KIFAP3: variants seen among roughly 807,000 people sequenced by gnomAD.
KIFAP3 encodes kinesin-associated protein 3.
KIFAP3 carries 68 observed loss-of-function variants against 106.5 expected under a neutral mutation model. That is an observed-to-expected ratio of 0.64 (90% CI 0.53 to 0.78). The LOEUF is 0.78. Among genes scored for constraint, KIFAP3 ranks in the 30% least tolerant of loss-of-function variants. The pLI is 0.00. For missense variants in KIFAP3, 780 were observed against 941.8 expected (o/e 0.83, Z 2.25); for synonymous variants, 320 against 311.5 (o/e 1.03, Z -0.29).
chr1:170,039,138 C>A, intron 4 of KIFAP3, 95 bp downstream of exon 4: 1 of 585,668 alleles, frequency 1.7e-6, no homozygotes, highest in African/African-American at 1.9e-5. Flanking sequence ...TTAAAAATAC[C>A]ACATGTGCTT....
At chr1:169,938,362 A>G (rs879385751) in intron 19 of KIFAP3, among the ~76,000 whole-genome samples, 8 of 152,046 alleles carry the variant, frequency 5.3e-5, no homozygotes, top group Admixed American at 2.0e-4. Context: ...GCTCCTATCA[A>G]CAATTTTATA....
At chr1:170,034,070 T>C (rs1417063579) in intron 7 of KIFAP3, among the ~76,000 whole-genome samples, 1 of 151,732 alleles carries the variant, frequency 6.6e-6, no homozygotes, top group African/African-American at 2.4e-5. Flanking sequence ...CAAAGGATCT[T>C]AGTGGATGTA....
chr1:170,023,006 A>G (rs1668928516), intron 9 of KIFAP3, among the ~76,000 whole-genome samples: 1 of 152,150 alleles, frequency 6.6e-6, no homozygotes, highest in Admixed American at 6.5e-5. Flanking sequence ...ATGGAAGAAC[A>G]TACCTTAACT....
chr1:170,062,305 C>T (rs923165152), intron 1 of KIFAP3, among the ~76,000 whole-genome samples: 2 of 149,508 alleles, frequency 1.3e-5, no homozygotes, highest in Non-Finnish European at 3.0e-5. Flanking sequence ...CTTAATGCCA[C>T]TGTTGCTTAA....
At chr1:169,928,721 A>AAAAAAAAAAT (rs1663290857) in intron 19 of KIFAP3, among the ~76,000 whole-genome samples, 1 of 147,932 alleles carries the variant, frequency 6.8e-6, no homozygotes, top group African/African-American at 2.5e-5. Context: ...AAAAAAAAAA[A>AAAAAAAAAAT]TTAAAGTTAT....
chr1:169,926,651 T>G (rs1384399171), intron 19 of KIFAP3, among the ~76,000 whole-genome samples: 1 of 143,206 alleles, frequency 7.0e-6, no homozygotes, highest in Admixed American at 7.2e-5. Flanking sequence ...TAACATTAAG[T>G]TTTTTCTGTA....
chr1:169,922,027 G>C (rs1046772647), intron 19 of KIFAP3, among the ~76,000 whole-genome samples: 1 of 152,112 alleles, frequency 6.6e-6, no homozygotes, highest in Non-Finnish European at 1.5e-5. Context: ...TTGAAACAAA[G>C]TGGAAGAATC....
At position 170,009,986 on chromosome 1, in the gene KIFAP3, C is replaced by A. The variant is rs182824269; in HGVS notation, c.1183+6476G>T. On this transcript the variant is annotated intron_variant, in intron 10 of 19. Transcript: ENST00000361580. ...GTCCAATTCAATTTGCAGATAATCA[C>A]ATTTGCTGAAGCCAATGGCTATGAT... Among the ~76,000 whole-genome samples, 1,275 of 152,160 alleles carry A rather than the reference C, an allele frequency of 8.4e-3. 21 individuals carry two copies. The highest frequency in any genetic ancestry group is 0.028 in the African/African-American group (1,159 of 41,530).
chr1:170,055,502 A>G, intron 1 of KIFAP3, 66 bp from the exon 2 acceptor site: 1 of 1,331,010 alleles, frequency 7.5e-7, no homozygotes, highest in Non-Finnish European at 1.0e-6. Flanking sequence ...GTTTTTATCT[A>G]TTTTTAGGTC....
At chr1:170,032,080 A>C in intron 7 of KIFAP3, 96 bp from the exon 8 acceptor site, 1 of 684,946 alleles carries the variant, frequency 1.5e-6, no homozygotes. Context: ...TTTATGTGCA[A>C]CTTTATCCAG....
Position 169,962,880 on chromosome 1 carries a change from G to C in KIFAP3, c.1984-1645C>G, listed in dbSNP as rs184987597. ...AGCTGCTCCCTTTCAACTGAAGTTG[G>C]GGAAGGTAGAGGATATTTTTTGACT... On this transcript the variant is annotated intron_variant, in intron 17 of 19. Transcript: ENST00000361580. Among the ~76,000 whole-genome samples, 265 of 152,228 alleles carry C rather than the reference G, an allele frequency of 1.7e-3. 1 individual carries two copies. Among genetic ancestry groups the C allele is most frequent in the Non-Finnish European group, 2.4e-3 (166 of 68,016 alleles).
chr1:169,978,022 CAAA>C, intron 16 of KIFAP3, 60 bp downstream of exon 16: 1 of 1,011,802 alleles, frequency 9.9e-7, no homozygotes, highest in South Asian at 1.4e-5. Flanking sequence ...AAAAACAACT[CAAA>C]GATGCATCTT....
At chr1:169,981,629 T>C (rs1666528556) in intron 15 of KIFAP3, among the ~76,000 whole-genome samples, 1 of 152,224 alleles carries the variant, frequency 6.6e-6, no homozygotes, top group Non-Finnish European at 1.5e-5. Flanking sequence ...TGATAGTATC[T>C]GTAGTTTCAG....
chr1:170,051,636 C>T (rs192291415), intron 2 of KIFAP3, among the ~76,000 whole-genome samples: 97 of 152,266 alleles, frequency 6.4e-4, no homozygotes, highest in Admixed American at 1.6e-3. Context: ...GAAATCATAA[C>T]AAACAGTCTC....
At chr1:169,954,196 T>TA in intron 18 of KIFAP3, 86 bp from the exon 19 acceptor site, 1 of 794,226 alleles carries the variant, frequency 1.3e-6, no homozygotes, top group Non-Finnish European at 2.1e-6. Flanking sequence ...AAATAACTTG[T>TA]ATATTTAATC....
At chr1:170,057,357 T>C (rs1482620126) in intron 1 of KIFAP3, among the ~76,000 whole-genome samples, 1 of 152,134 alleles carries the variant, frequency 6.6e-6, no homozygotes, top group Non-Finnish European at 1.5e-5. Flanking sequence ...ACCACTCCTT[T>C]TTAGTTTTTG....
At chr1:169,958,248 A>C (rs1267541182) in intron 18 of KIFAP3, 1 of 152,380 alleles carries the variant, frequency 6.6e-6, no homozygotes, top group Non-Finnish European at 1.5e-5. Flanking sequence ...ATGCCTGGGT[A>C]ATTTCTTTTT....
In KIFAP3 at chr1:169,996,877, C is replaced by T. The variant is rs572922138; in HGVS notation, c.1184-4622G>A. On this transcript the variant is annotated intron_variant, in intron 10 of 19. Coordinates refer to ENST00000361580, the MANE Select transcript of KIFAP3 (RefSeq NM_014970.4). Reference sequence around the variant, plus strand: ...CAGATATTTCTCAGAGGACCTGTGCCCAGATATAGCAGGTTCCAATGGATG... The same window carrying T: ...CAGATATTTCTCAGAGGACCTGTGCTCAGATATAGCAGGTTCCAATGGATG... Among the ~76,000 whole-genome samples, 10 of 152,148 alleles carry T rather than the reference C, an allele frequency of 6.6e-5. No individual in the cohort carries two copies. In the South Asian group the frequency reaches 2.1e-3, roughly 32 times the overall value.
chr1:169,985,433 T>C (rs889402759), intron 11 of KIFAP3, among the ~76,000 whole-genome samples: 6 of 151,786 alleles, frequency 4.0e-5, no homozygotes, highest in African/African-American at 1.4e-4. Context: ...GATGTTATGG[T>C]TAAAGGAGTG....
Sources: gnomAD v4.1 joint callset for allele counts (sites outside exome capture counted in the v4.1 genomes callset) on GRCh38, gnomAD v4.1.1 for gene constraint, MANE v1.5 for transcripts, NCBI Gene and HGNC (gene_info 2026-07-23, HGNC 2026-07-21) for gene names.